The following TFCP2 variants were observed in gnomAD, a reference collection of about 807,000 sequenced individuals.
The protein encoded by TFCP2 is alpha-globin transcription factor CP2.
A neutral mutation model predicts 73.4 loss-of-function variants in TFCP2; 33 were observed. The observed-to-expected ratio is 0.45, with a 90% confidence interval of 0.34 to 0.60. The LOEUF (loss-of-function observed/expected upper bound fraction) is 0.60. TFCP2 is among the 20% of genes least tolerant of loss of function. The probability of loss-of-function intolerance (pLI) is 0.01; values close to 1 mark genes in which losing one functional copy is unlikely to be tolerated. For missense variants in TFCP2, 352 were observed against 604.0 expected, an observed-to-expected ratio of 0.58 and a Z score of 4.37; for synonymous variants, 193 against 211.6, an observed-to-expected ratio of 0.91 and a Z score of 0.76.
intron 1 of TFCP2, among the ~76,000 whole-genome samples, chr12:51,171,180 T>C (rs375409114): frequency 6.6e-6 from 1 of 152,172 alleles, no homozygotes. Flanking sequence ...CTTGACTCAC[T>C]TATTTAGATT....
intron 1 of TFCP2, 46 bp downstream of exon 1, chr12:51,172,255 G>T: frequency 6.2e-7 from 1 of 1,607,172 alleles, no homozygotes; most frequent in Non-Finnish European, 8.5e-7. Flanking sequence ...GTGTCTATCC[G>T]CCTTTGTTAT....
At chr12:51,098,364 A>G (rs1940018962) in intron 13 of TFCP2, among the ~76,000 whole-genome samples, 1 of 152,162 alleles carries the variant, frequency 6.6e-6, no homozygotes, top group Non-Finnish European at 1.5e-5. Flanking sequence ...AGTGGCTCAC[A>G]TCTGGAATCC....
chr12:51,159,991 C>T (rs1462718568), intron 1 of TFCP2, among the ~76,000 whole-genome samples: 1 of 151,960 alleles, frequency 6.6e-6, no homozygotes, highest in African/African-American at 2.4e-5. Flanking sequence ...GTTAATTCCT[C>T]ACAGTTGTAA....
intron 1 of TFCP2, among the ~76,000 whole-genome samples, chr12:51,156,307 G>T (rs1941536406): frequency 6.6e-6 from 1 of 151,214 alleles, no homozygotes; most frequent in African/African-American, 2.4e-5. Context: ...GAAGGTGAAG[G>T]AAGAGCAGGT....
chr12:51,117,421 G>T (rs1411632069), intron 3 of TFCP2, among the ~76,000 whole-genome samples: 2 of 152,178 alleles, frequency 1.3e-5, no homozygotes, highest in Non-Finnish European at 1.5e-5. Flanking sequence ...TGAGCCAGGG[G>T]TGATTACCCT....
At chr12:51,140,928 C>T (rs996053203) in intron 1 of TFCP2, among the ~76,000 whole-genome samples, 3 of 151,720 alleles carry the variant, frequency 2.0e-5, no homozygotes, top group Non-Finnish European at 4.4e-5. Context: ...TGGTGGCAGG[C>T]GCCTGTAATC....
chr12:51,142,705 G>C (rs1195675203), intron 1 of TFCP2, among the ~76,000 whole-genome samples: 1 of 152,090 alleles, frequency 6.6e-6, no homozygotes. Flanking sequence ...CTTTTAAAAA[G>C]AAAGTCTTCC....
At chr12:51,165,176 G>A (rs1400628608) in intron 1 of TFCP2, among the ~76,000 whole-genome samples, 1 of 152,060 alleles carries the variant, frequency 6.6e-6, no homozygotes, top group Non-Finnish European at 1.5e-5. Flanking sequence ...GCAACATAGG[G>A]AGACTTGGTC....
intron 13 of TFCP2, among the ~76,000 whole-genome samples, chr12:51,096,420 C>CAAACTCCCTTCTCCCAGGGAT (rs1283777156): frequency 4.6e-5 from 7 of 152,186 alleles, no homozygotes; most frequent in African/African-American, 9.7e-5. Context: ...TTTCCCTTCT[C>CAAACTCCCTTCTCCCAGGGAT]AAACTCCCTT....
chr12:51,129,316 A>C (rs1221242645), intron 1 of TFCP2, among the ~76,000 whole-genome samples: 8 of 151,980 alleles, frequency 5.3e-5, no homozygotes, highest in Non-Finnish European at 1.2e-4. Context: ...GTTTGAGACC[A>C]GCCCGGCCAA....
chr12:51,119,304 T>C (rs1312322733), intron 1 of TFCP2, among the ~76,000 whole-genome samples: 2 of 152,220 alleles, frequency 1.3e-5, no homozygotes, highest in Non-Finnish European at 2.9e-5. Context: ...AGAAAAAGCT[T>C]TTTGTATCTA....
At chr12:51,117,859 AT>A in intron 2 of TFCP2, 112 bp from the exon 3 acceptor site, 1 of 658,604 alleles carries the variant, frequency 1.5e-6, no homozygotes, top group Non-Finnish European at 2.6e-6. Context: ...TATTATTAGT[AT>A]TAGTAACAAC....
At chr12:51,156,531 G>C (rs1364498741) in intron 1 of TFCP2, among the ~76,000 whole-genome samples, 2 of 152,132 alleles carry the variant, frequency 1.3e-5, no homozygotes, top group African/African-American at 4.8e-5. Context: ...GATTTGGAGG[G>C]ACACATATCC....
chr12:51,095,956 C>T, intron 14 of TFCP2, 33 bp downstream of exon 14: 2 of 1,588,086 alleles, frequency 1.3e-6, no homozygotes, highest in Non-Finnish European at 1.7e-6. Flanking sequence ...AGCTGTTAAA[C>T]TGCTTAGAGA....
At position 51,124,679 on chromosome 12, in the gene TFCP2, G is replaced by A. The variant is rs753810299; in HGVS notation, c.123-5907C>T. On this transcript the variant is annotated intron_variant, in intron 1 of 14. Transcript: ENST00000257915. ...CCAACTTGCACAGCTCCATCAGGCCGTCCCCCGCGGTGGCCAGTGAGTTGG... is the reference window on the plus strand; with the variant it reads ...CCAACTTGCACAGCTCCATCAGGCCATCCCCCGCGGTGGCCAGTGAGTTGG... 1.8e-4 allele frequency: 115 copies of A among 626,410 alleles called. 1 individual carries two copies. Among genetic ancestry groups the A allele is most frequent in the Middle Eastern group, 7.8e-4 (3 of 3,838 alleles). The allele number at this position is 626,410 out of a possible 1,614,324, so 38.8% of individuals were successfully genotyped here.
At chr12:51,170,667 G>A (rs1001660943) in intron 1 of TFCP2, among the ~76,000 whole-genome samples, 1 of 151,406 alleles carries the variant, frequency 6.6e-6, no homozygotes, top group African/African-American at 2.4e-5. Flanking sequence ...AGATGCTGAA[G>A]TATTAAATTC....
chr12:51,130,180 A>G (rs1334279774), intron 1 of TFCP2, among the ~76,000 whole-genome samples: 2 of 152,058 alleles, frequency 1.3e-5, no homozygotes, highest in Non-Finnish European at 1.5e-5. Context: ...CATTAAAAAA[A>G]GAAGCTGTTG....
intron 1 of TFCP2, among the ~76,000 whole-genome samples, chr12:51,165,906 C>T (rs1467146667): frequency 6.6e-6 from 1 of 152,098 alleles, no homozygotes; most frequent in African/African-American, 2.4e-5. Flanking sequence ...CCCAGCTACT[C>T]AGGAGGCTGA....
At chr12:51,125,371 C>T (rs908233559) in intron 1 of TFCP2, 4 of 482,382 alleles carry the variant, frequency 8.3e-6, no homozygotes, top group Admixed American at 2.2e-5. Context: ...TAAGGCCAAG[C>T]CAAACTTACC....
Sources: allele counts gnomAD v4.1 joint callset (sites outside exome capture counted in the v4.1 genomes callset), GRCh38; gene constraint gnomAD v4.1.1; transcripts MANE v1.5; gene names NCBI Gene and HGNC (gene_info 2026-07-23, HGNC 2026-07-21).